Variants in OSBPL10 observed in about 807,000 individuals in gnomAD.
OSBPL10 encodes oxysterol-binding protein-related protein 10.
In OSBPL10, 49 loss-of-function variants were observed where a neutral mutation model predicts 81.7. The ratio of observed to expected loss-of-function variants is 0.60; its 90% CI spans 0.48 to 0.76. OSBPL10 has a LOEUF of 0.76. Among genes scored for constraint, OSBPL10 ranks in the 30% least tolerant of loss-of-function variants. The pLI is 0.00. For synonymous variants in OSBPL10, 419 were observed against 383.6 expected (o/e 1.09, Z -1.08); for missense variants, 923 against 987.8 (o/e 0.93, Z 0.88).
chr3:31,778,041 C>G (rs1049130095), intron 4 of OSBPL10, among the ~76,000 whole-genome samples: 1 of 152,106 alleles, frequency 6.6e-6, no homozygotes, highest in Non-Finnish European at 1.5e-5. Flanking sequence ...ACAGGAAATG[C>G]TGGAGGAAGG....
chr3:31,898,836 T>C (rs1057468774), intron 1 of OSBPL10, among the ~76,000 whole-genome samples: 51 of 151,962 alleles, frequency 3.4e-4, no homozygotes, highest in Admixed American at 3.9e-4. Flanking sequence ...AATAAAGATG[T>C]TTAACTTATG....
intron 2 of OSBPL10, among the ~76,000 whole-genome samples, chr3:32,014,501 C>G (rs1383531227): frequency 6.6e-6 from 1 of 152,078 alleles, no homozygotes; most frequent in Non-Finnish European, 1.5e-5. Context: ...ACTGAATGGG[C>G]AAAAACTGGA....
intron 4 of OSBPL10, among the ~76,000 whole-genome samples, chr3:31,765,202 G>T (rs1559454821): frequency 4.0e-5 from 6 of 150,960 alleles, no homozygotes; most frequent in Non-Finnish European, 8.9e-5. Context: ...GTTTTGTTTT[G>T]TTTTTGTTTT....
chr3:31,993,671 TACACACACATACACACAC>T (rs1450076532), intron 2 of OSBPL10, among the ~76,000 whole-genome samples: 2 of 126,720 alleles, frequency 1.6e-5, no homozygotes, highest in African/African-American at 8.5e-5. Flanking sequence ...TTAACATGAC[TACACACACATACACACAC>T]ACACACACAC....
intron 2 of OSBPL10, among the ~76,000 whole-genome samples, chr3:32,039,829 T>C (rs2125557866): frequency 6.6e-6 from 1 of 152,266 alleles, no homozygotes; most frequent in African/African-American, 2.4e-5. Context: ...ATACAATATA[T>C]GTAGAAGATG....
chr3:31,774,891 G>C (rs146232043), intron 4 of OSBPL10, among the ~76,000 whole-genome samples: 79 of 151,796 alleles, frequency 5.2e-4, no homozygotes, highest in Middle Eastern at 3.4e-3. Flanking sequence ...TGAGAGCTGA[G>C]TGTGGTGGCT....
intron 2 of OSBPL10, among the ~76,000 whole-genome samples, chr3:32,007,562 G>A (rs1055656624): frequency 1.2e-4 from 18 of 151,978 alleles, no homozygotes; most frequent in Middle Eastern, 3.2e-3. Context: ...TAACCTCCAT[G>A]CTCCAATCTC....
intron 1 of OSBPL10, among the ~76,000 whole-genome samples, chr3:32,068,252 T>C (rs991710122): frequency 1.3e-5 from 2 of 152,214 alleles, no homozygotes; most frequent in African/African-American, 4.8e-5. Flanking sequence ...GTTTAATCAC[T>C]GCGGGGACCC....
intron 2 of OSBPL10, among the ~76,000 whole-genome samples, chr3:32,020,588 A>G: frequency 6.6e-6 from 1 of 152,300 alleles, no homozygotes; most frequent in East Asian, 1.9e-4. Flanking sequence ...TAATGCTGCT[A>G]TGAGTAATTG....
At chr3:32,029,457 T>C (rs1239445719) in intron 2 of OSBPL10, among the ~76,000 whole-genome samples, 1 of 152,168 alleles carries the variant, frequency 6.6e-6, no homozygotes, top group Non-Finnish European at 1.5e-5. Flanking sequence ...CAGTCTCTCC[T>C]TCTGCATTAT....
At chr3:31,862,500 T>C (rs972487591) in intron 3 of OSBPL10, among the ~76,000 whole-genome samples, 1 of 151,620 alleles carries the variant, frequency 6.6e-6, no homozygotes, top group Non-Finnish European at 1.5e-5. Flanking sequence ...TTTTATTTTC[T>C]AAAAACAAAA....
intron 6 of OSBPL10, among the ~76,000 whole-genome samples, chr3:31,720,881 CAAAAAAAAAAAA>C (rs61492992): frequency 1.5e-5 from 1 of 66,312 alleles, no homozygotes; most frequent in Non-Finnish European, 2.9e-5. Flanking sequence ...GACTCTGTCT[CAAAAAAAAAAAA>C]AAAAAAAAAA....
chr3:32,028,926 G>GAACACACACACACACA (rs201594298), intron 2 of OSBPL10, among the ~76,000 whole-genome samples: 11 of 67,210 alleles, frequency 1.6e-4, no homozygotes, highest in Non-Finnish European at 2.4e-4. Context: ...TAGCTAGTCA[G>GAACACACACACACACA]GACACACACA....
At chr3:31,810,006 G>C (rs1699636841) in intron 4 of OSBPL10, among the ~76,000 whole-genome samples, 1 of 151,556 alleles carries the variant, frequency 6.6e-6, no homozygotes, top group African/African-American at 2.4e-5. Flanking sequence ...CGAGTAGCTG[G>C]GATTACAGGC....
chr3:32,023,565 C>T (rs1479714161), intron 2 of OSBPL10, among the ~76,000 whole-genome samples: 1 of 152,144 alleles, frequency 6.6e-6, no homozygotes, highest in Non-Finnish European at 1.5e-5. Flanking sequence ...TATTTCCATG[C>T]TTGGGCCACC....
chr3:31,893,869 C>T (rs964197342), intron 1 of OSBPL10, among the ~76,000 whole-genome samples: 3 of 152,084 alleles, frequency 2.0e-5, no homozygotes, highest in Non-Finnish European at 4.4e-5. Context: ...CTGCAAACTG[C>T]TTACAGGGAT....
chr3:31,850,743 G>A (rs1456702399), intron 3 of OSBPL10, among the ~76,000 whole-genome samples: 2 of 152,184 alleles, frequency 1.3e-5, no homozygotes, highest in African/African-American at 4.8e-5. Flanking sequence ...TACTGAACCT[G>A]TCTTTGATTA....
intron 4 of OSBPL10, among the ~76,000 whole-genome samples, chr3:31,762,472 GT>G (rs201990635): frequency 1.3e-5 from 2 of 151,032 alleles, no homozygotes; most frequent in African/African-American, 4.9e-5. Context: ...GCTGGTTACT[GT>G]TTTTTTTGTT....
At chr3:31,984,545 A>G (rs1194800155), upstream of OSBPL10, among the ~76,000 whole-genome samples, 1 of 152,160 alleles carries the variant, frequency 6.6e-6, no homozygotes, top group African/African-American at 2.4e-5. Flanking sequence ...AATGCAGGGT[A>G]TGAAAAACAC....
Sources: gnomAD v4.1 joint callset for allele counts (sites outside exome capture counted in the v4.1 genomes callset) on GRCh38, gnomAD v4.1.1 for gene constraint, MANE v1.5 for transcripts, NCBI Gene and HGNC (gene_info 2026-07-23, HGNC 2026-07-21) for gene names.